MYO1D: variants seen among roughly 807,000 people sequenced by gnomAD.
MYO1D encodes the protein myosin ID, also known as unconventional myosin-Id.
MYO1D carries 83 observed loss-of-function variants against 122.0 expected under a neutral mutation model. The observed-to-expected ratio is 0.68, with a 90% CI of 0.57 to 0.82. The LOEUF (loss-of-function observed/expected upper bound fraction) is 0.82, where lower values mean the gene tolerates loss of function less well. Ranked by LOEUF, MYO1D falls within the 40% of genes least tolerant of loss-of-function variation. The pLI, the probability that MYO1D is intolerant of heterozygous loss-of-function variation, is 0.00. For missense variants in MYO1D, 1,157 were observed against 1,269.5 expected, an observed-to-expected ratio of 0.91 and a Z score of 1.35; for synonymous variants, 464 against 446.9, an observed-to-expected ratio of 1.04 and a Z score of -0.48.
At chr17:32,776,137 C>T (rs2090169669) in intron 3 of MYO1D, 108 bp from the exon 4 acceptor site, 1 of 909,348 alleles carries the variant, frequency 1.1e-6, no homozygotes. Flanking sequence ...AAGATGCTAA[C>T]TCCAGCACTG....
At chr17:32,764,148 G>T (rs188480226) in intron 8 of MYO1D, among the ~76,000 whole-genome samples, 1 of 152,300 alleles carries the variant, frequency 6.6e-6, no homozygotes, top group Non-Finnish European at 1.5e-5. Flanking sequence ...AGGACATTAT[G>T]CTAAGTGAAA....
chr17:32,578,686 C>T (rs2087300424), intron 21 of MYO1D, among the ~76,000 whole-genome samples: 1 of 152,312 alleles, frequency 6.6e-6, no homozygotes. Context: ...AAGGTGCTTT[C>T]AAAGGTCACC....
At chr17:32,560,770 C>T (rs1440074187) in intron 21 of MYO1D, among the ~76,000 whole-genome samples, 1 of 150,754 alleles carries the variant, frequency 6.6e-6, no homozygotes, top group Non-Finnish European at 1.5e-5. Flanking sequence ...CAGGCGTGTG[C>T]CGTCATTCCT....
chr17:32,537,278 A>G (rs2150876233), intron 21 of MYO1D, among the ~76,000 whole-genome samples: 1 of 152,342 alleles, frequency 6.6e-6, no homozygotes, highest in South Asian at 2.1e-4. Context: ...TGGGAAACTA[A>G]GACCCAGGGC....
At chr17:32,724,784 C>A (rs2089553336) in intron 14 of MYO1D, among the ~76,000 whole-genome samples, 1 of 148,402 alleles carries the variant, frequency 6.7e-6, no homozygotes, top group South Asian at 2.1e-4. Flanking sequence ...CTTTGAATCA[C>A]CTAAGTCCTT....
At chr17:32,509,512 C>G (rs1011850169) in intron 21 of MYO1D, among the ~76,000 whole-genome samples, 1 of 152,110 alleles carries the variant, frequency 6.6e-6, no homozygotes, top group Admixed American at 6.5e-5. Context: ...TTAATGGAGA[C>G]GAGCAGACAC....
At chr17:32,721,319 T>C (rs1284588234) in intron 14 of MYO1D, 130 bp from the exon 15 acceptor site, 3 of 821,684 alleles carry the variant, frequency 3.7e-6, no homozygotes, top group Middle Eastern at 3.4e-4. Flanking sequence ...CATACACTTG[T>C]GAATAAAGTA....
intron 21 of MYO1D, among the ~76,000 whole-genome samples, chr17:32,554,836 G>C (rs911310389): frequency 6.6e-6 from 1 of 152,154 alleles, no homozygotes; most frequent in Non-Finnish European, 1.5e-5. Flanking sequence ...AATGCAGACT[G>C]AAACAATGGA....
At chr17:32,817,442 T>C (rs896536565) in intron 1 of MYO1D, among the ~76,000 whole-genome samples, 1 of 152,230 alleles carries the variant, frequency 6.6e-6, no homozygotes, top group African/African-American at 2.4e-5. Flanking sequence ...ATATACATTC[T>C]ATGCCTTTTG....
chr17:32,721,069 G>A lies in MYO1D; in HGVS notation c.1867C>T (p.Arg623Trp). The change falls in exon 15 of 22, where the codon CGG becomes TGG. Residue 623 changes from arginine to tryptophan, a missense_variant. By Grantham distance (101) the Arg-to-Trp change is moderately radical. Coordinates refer to ENST00000318217, the MANE Select transcript of MYO1D (RefSeq NM_015194.3). ...GTCTGGCGGAAGGCAAATCCTGCCCGACGCACTCTCACATTTTCCAGTAGT... is the reference window on the plus strand; with the variant it reads ...GTCTGGCGGAAGGCAAATCCTGCCCAACGCACTCTCACATTTTCCAGTAGT... ...LGLLENVRVR[R>W]AGFAFRQTYE... is the part of the protein sequence containing the mutation. The A allele has an allele frequency of 1.9e-6, 3 of 1,614,050 alleles. No homozygotes were observed. Among genetic ancestry groups the A allele is most frequent in the Non-Finnish European group, 2.5e-6 (3 of 1,179,996 alleles).
chr17:32,772,224 T>C (rs1034073535), intron 5 of MYO1D, among the ~76,000 whole-genome samples: 1 of 152,236 alleles, frequency 6.6e-6, no homozygotes, highest in Non-Finnish European at 1.5e-5. Context: ...GGAAGGCTAT[T>C]TAAAAGATTT....
chr17:32,619,547 G>A (rs1279986952), intron 20 of MYO1D, among the ~76,000 whole-genome samples: 1 of 152,144 alleles, frequency 6.6e-6, no homozygotes, highest in Non-Finnish European at 1.5e-5. Context: ...GGAAGACTGT[G>A]ATACATTTGG....
At chr17:32,763,172 C>T (rs892828397) in intron 8 of MYO1D, among the ~76,000 whole-genome samples, 21 of 150,258 alleles carry the variant, frequency 1.4e-4, no homozygotes, top group African/African-American at 4.7e-4. Flanking sequence ...GGCAACAAAG[C>T]GAGACTCCAT....
At chr17:32,779,757 A>G (rs2090216250) in intron 2 of MYO1D, among the ~76,000 whole-genome samples, 1 of 152,150 alleles carries the variant, frequency 6.6e-6, no homozygotes, top group Non-Finnish European at 1.5e-5. Flanking sequence ...TAACTCCAAC[A>G]CTAAGTTACT....
intron 16 of MYO1D, among the ~76,000 whole-genome samples, chr17:32,708,851 T>C (rs796650923): frequency 3.3e-5 from 5 of 152,254 alleles, no homozygotes; most frequent in African/African-American, 1.2e-4. Context: ...TCTTTTAGAA[T>C]CTCTTTCCTA....
At chr17:32,538,502 G>T (rs1185260469) in intron 21 of MYO1D, among the ~76,000 whole-genome samples, 3 of 149,830 alleles carry the variant, frequency 2.0e-5, no homozygotes, top group Non-Finnish European at 4.4e-5. Flanking sequence ...GTCTTGCTGT[G>T]TTGTCCAGGC....
intron 14 of MYO1D, among the ~76,000 whole-genome samples, chr17:32,736,426 TCATGGAC>T (rs1262699376): frequency 6.6e-6 from 1 of 152,194 alleles, no homozygotes; most frequent in Admixed American, 6.5e-5. Flanking sequence ...CCAGCTGCCA[TCATGGAC>T]CAGGAGGTTG....
At chr17:32,499,494 TGTG>T (rs1380699814) in intron 21 of MYO1D, among the ~76,000 whole-genome samples, 1 of 150,754 alleles carries the variant, frequency 6.6e-6, no homozygotes, top group Non-Finnish European at 1.5e-5. Flanking sequence ...ATTAGCTGGG[TGTG>T]GTGGTGCATG....
intron 20 of MYO1D, among the ~76,000 whole-genome samples, chr17:32,637,292 C>G (rs908129787): frequency 1.3e-5 from 2 of 152,212 alleles, no homozygotes; most frequent in African/African-American, 4.8e-5. Context: ...TCATCTCCTA[C>G]TTCAAGATTG....
Sources: allele counts gnomAD v4.1 joint callset (sites outside exome capture counted in the v4.1 genomes callset), GRCh38; gene constraint gnomAD v4.1.1; transcripts MANE v1.5; gene names NCBI Gene and HGNC (gene_info 2026-07-23, HGNC 2026-07-21).